The following EYA1 variants were observed in gnomAD, a reference collection of about 807,000 sequenced individuals.
EYA1 encodes protein phosphatase EYA1.
A neutral mutation model predicts 82.0 loss-of-function variants in EYA1; 16 were observed. The ratio of observed to expected loss-of-function variants is 0.20; its 90% CI spans 0.13 to 0.30. EYA1 has a LOEUF of 0.30. EYA1 is among the 10% of genes least tolerant of loss of function. The probability of loss-of-function intolerance (pLI) is 1.00; values close to 1 mark genes in which losing one functional copy is unlikely to be tolerated. For missense variants in EYA1, 633 were observed against 730.7 expected (o/e 0.87, Z 1.54); for synonymous variants, 261 against 264.4 (o/e 0.99, Z 0.12).
intron 2 of EYA1, among the ~76,000 whole-genome samples, chr8:71,396,730 A>G (rs1829641053): frequency 6.6e-6 from 1 of 152,270 alleles, no homozygotes; most frequent in African/African-American, 2.4e-5. Flanking sequence ...CAATTTTGGA[A>G]TAAGTGTGAT....
At chr8:71,487,739 C>A (rs1420991919) in intron 2 of EYA1, among the ~76,000 whole-genome samples, 5 of 152,184 alleles carry the variant, frequency 3.3e-5, no homozygotes, top group African/African-American at 1.2e-4. Flanking sequence ...CTCAACTTAT[C>A]AAGAAAAGAC....
chr8:71,458,852 G>T (rs1019993522), intron 2 of EYA1, among the ~76,000 whole-genome samples: 21 of 152,128 alleles, frequency 1.4e-4, no homozygotes, highest in African/African-American at 5.1e-4. Context: ...TGCATATACA[G>T]CTCAAAGGCA....
intron 2 of EYA1, among the ~76,000 whole-genome samples, chr8:71,380,731 A>C (rs1440967397): frequency 7.2e-5 from 11 of 152,222 alleles, no homozygotes; most frequent in Non-Finnish European, 1.2e-4. Context: ...TACCAAAGTA[A>C]ACTTACATTC....
chr8:71,476,273 T>A (rs1040495319), intron 2 of EYA1, among the ~76,000 whole-genome samples: 1 of 152,132 alleles, frequency 6.6e-6, no homozygotes, highest in African/African-American at 2.4e-5. Context: ...TCTAAAGCAC[T>A]TTTTCCTCTA....
chr8:71,291,646 C>T (rs546220759), intron 9 of EYA1, among the ~76,000 whole-genome samples: 207 of 152,256 alleles, frequency 1.4e-3, no homozygotes, highest in Non-Finnish European at 2.4e-3. Flanking sequence ...ATCTTTGTCC[C>T]TCACTGCTTT....
rs540844886 is a variant in EYA1, at chr8:71,450,360, C to A, written c.33+85384G>T. 5.3e-5 allele frequency among the ~76,000 whole-genome samples: 8 copies of A among 152,222 alleles called. No individual in the cohort carries two copies. The East Asian group carries it at 1.5e-3, about 29-fold the overall frequency. On this transcript the variant is annotated intron_variant, in intron 2 of 18. Coordinates refer to the EYA1 transcript ENST00000643681. ...AGGCCATTGTAGGGTTATTAACAGA[C>A]CTAATTTGACTATTGTTGTGTCTCA...
At chr8:71,265,711 C>A (rs1815713640) in intron 11 of EYA1, among the ~76,000 whole-genome samples, 1 of 152,110 alleles carries the variant, frequency 6.6e-6, no homozygotes, top group African/African-American at 2.4e-5. Flanking sequence ...TGAAAAATAA[C>A]CCAAGAATAG....
At chr8:71,447,472 C>A (rs561973435) in intron 2 of EYA1, among the ~76,000 whole-genome samples, 2 of 152,228 alleles carry the variant, frequency 1.3e-5, no homozygotes, top group East Asian at 1.9e-4. Context: ...CTCAACCATC[C>A]CTAGTTGTTT....
At position 71,283,486 on chromosome 8, in the gene EYA1, T is replaced by G. The variant is rs575562318; in HGVS notation, c.827-11589A>C. ...GATTTTTGCTCACTGCAGAATCCCC[T>G]ATGTCTAGAACAGTGCCTGGAACAT... is the stretch of plus-strand genomic sequence containing the variant. On this transcript the variant is annotated intron_variant, in intron 9 of 17. Coordinates refer to ENST00000340726, the MANE Select transcript of EYA1 (RefSeq NM_000503.6). 2.0e-5 allele frequency among the ~76,000 whole-genome samples: 3 copies of G among 152,208 alleles called. No individual in the cohort carries two copies. The East Asian group carries it at 5.8e-4, about 29-fold the overall frequency.
At chr8:71,453,680 A>T (rs968150693) in intron 2 of EYA1, among the ~76,000 whole-genome samples, 2 of 152,210 alleles carry the variant, frequency 1.3e-5, no homozygotes, top group African/African-American at 4.8e-5. Context: ...AAGCTTCATA[A>T]GTGAAGGAGA....
intron 2 of EYA1, among the ~76,000 whole-genome samples, chr8:71,533,737 G>A (rs1172885929): frequency 6.6e-6 from 1 of 152,174 alleles, no homozygotes; most frequent in African/African-American, 2.4e-5. Flanking sequence ...CCTCACACGA[G>A]GCCTCTGAAG....
chr8:71,409,039 C>T (rs1343904373), intron 2 of EYA1, among the ~76,000 whole-genome samples: 1 of 122,902 alleles, frequency 8.1e-6, no homozygotes, highest in Non-Finnish European at 1.7e-5. Flanking sequence ...GACCACAGTG[C>T]AATCAAACTA....
intron 2 of EYA1, among the ~76,000 whole-genome samples, chr8:71,489,088 C>T (rs998470933): frequency 6.6e-6 from 1 of 152,184 alleles, no homozygotes; most frequent in East Asian, 1.9e-4. Flanking sequence ...AGCTGTTTCT[C>T]TTGAGCAACT....
intron 2 of EYA1, among the ~76,000 whole-genome samples, chr8:71,371,798 C>A (rs1230707581): frequency 1.3e-5 from 2 of 151,800 alleles, no homozygotes; most frequent in East Asian, 1.9e-4. Flanking sequence ...TTATTTTTTT[C>A]TTTTAAAGGA....
chr8:71,271,493 T>G (rs1816525838), intron 10 of EYA1, among the ~76,000 whole-genome samples: 1 of 152,172 alleles, frequency 6.6e-6, no homozygotes, highest in South Asian at 2.1e-4. Flanking sequence ...TTTGTTCAAG[T>G]AGAATTGCAT....
intron 2 of EYA1, among the ~76,000 whole-genome samples, chr8:71,392,615 A>C (rs1829344741): frequency 6.6e-6 from 1 of 152,216 alleles, no homozygotes; most frequent in African/African-American, 2.4e-5. Flanking sequence ...GCCTTTAAAA[A>C]AGGTACTAAA....
At chr8:71,399,030 A>G (rs185793006) in intron 2 of EYA1, among the ~76,000 whole-genome samples, 4 of 152,326 alleles carry the variant, frequency 2.6e-5, no homozygotes, top group African/African-American at 9.6e-5. Context: ...GCTGCCTTGC[A>G]GTTCAATCTC....
intron 2 of EYA1, among the ~76,000 whole-genome samples, chr8:71,473,279 G>A (rs534944061): frequency 3.3e-5 from 5 of 149,572 alleles, no homozygotes; most frequent in Admixed American, 6.7e-5. Flanking sequence ...TACAGAATGG[G>A]AGAAAATTTT....
chr8:71,406,401 C>T (rs915798682), intron 2 of EYA1, among the ~76,000 whole-genome samples: 2 of 152,206 alleles, frequency 1.3e-5, no homozygotes, highest in African/African-American at 2.4e-5. Context: ...CAGCTCCGGT[C>T]TACAGCTCCC....
Sources: allele counts gnomAD v4.1 joint callset (sites outside exome capture counted in the v4.1 genomes callset), GRCh38; gene constraint gnomAD v4.1.1; transcripts MANE v1.5; gene names NCBI Gene and HGNC (gene_info 2026-07-23, HGNC 2026-07-21).